The following BMF variants were observed in gnomAD, a reference collection of about 807,000 sequenced individuals.
BMF encodes bcl-2-modifying factor.
BMF carries 10 observed loss-of-function variants against 22.0 expected under a neutral mutation model. The ratio of observed to expected loss-of-function variants is 0.45; its 90% CI spans 0.28 to 0.77. BMF has a LOEUF of 0.77. Ranked by LOEUF, BMF falls within the 30% of genes least tolerant of loss-of-function variation. The probability of loss-of-function intolerance (pLI) is 0.13; values close to 1 mark genes in which losing one functional copy is unlikely to be tolerated. For missense variants in BMF, 206 were observed against 226.8 expected, an observed-to-expected ratio of 0.91 and a Z score of 0.59; for synonymous variants, 87 against 88.1, an observed-to-expected ratio of 0.99 and a Z score of 0.07.
intron 4 of BMF, among the ~76,000 whole-genome samples, chr15:40,098,164 A>G (rs1486189147): frequency 2.6e-5 from 4 of 152,224 alleles, no homozygotes; most frequent in Non-Finnish European, 4.4e-5. Flanking sequence ...TCTAAGGAAA[A>G]AAGAGCAGTC....
intron 3 of BMF, among the ~76,000 whole-genome samples, 153 bp downstream of exon 3, chr15:40,105,642 A>T (rs939735287): frequency 1.3e-5 from 2 of 152,212 alleles, no homozygotes; most frequent in Non-Finnish European, 2.9e-5. Context: ...AGGAGCAATA[A>T]CAAGCCGAGA....
Position 40,088,537 on chromosome 15 carries a change from A to G in BMF, c.*3250T>C. On this transcript the variant is annotated 3_prime_UTR_variant, in exon 5 of 5. Coordinates refer to ENST00000354670, the MANE Select transcript of BMF (RefSeq NM_001003940.2). ...TCAAGTCCCTCAAAAAGAAGTGCTC[A>G]CTGGGGTAGCATGCTCCTTGCTGTC... is the stretch of plus-strand genomic sequence containing the variant. 6.6e-6 allele frequency: 1 copy of G among 152,352 alleles called. No homozygotes were observed. Among genetic ancestry groups the G allele is most frequent in the East Asian group, 1.9e-4 (1 of 5,202 alleles). The allele number at this position is 152,352 out of a possible 1,614,324, so 9.4% of individuals were successfully genotyped here.
rs1024043427 is a variant in BMF, at chr15:40,091,659, T to TA, written c.*127dup. 3.6e-5 allele frequency: 26 copies of TA among 712,700 alleles called. No homozygotes were observed. The highest frequency in any genetic ancestry group is 4.2e-5 in the Non-Finnish European group (18 of 426,884). The allele number at this position is 712,700 out of a possible 1,614,324, so 44.1% of individuals were successfully genotyped here. A position where few individuals can be genotyped will look rare whatever the true frequency, so the allele number is the denominator to read the frequency against. ...GTTGTATGTACACTCAGAGAGAAAT[T>TA]AAAAAAAATTAAAACACAAAATAAC... On this transcript the variant is annotated 3_prime_UTR_variant, in exon 5 of 5. Transcript: ENST00000354670.
Position 40,091,711 on chromosome 15 carries a change from A to G in BMF, c.*76T>C. The G allele has an allele frequency of 1.9e-6, 2 of 1,044,938 alleles. No individual in the cohort carries two copies. Among genetic ancestry groups the G allele is most frequent in the South Asian group, 1.5e-5 (1 of 67,834 alleles). 64.7% of individuals were successfully genotyped at this position (1,044,938 alleles called of 1,614,324 possible). ...ACAAAAAAACAATTTCACAAGACAC[A>G]GTGTCAGTCCTGCCCGATGTCCTTC... is the stretch of plus-strand genomic sequence containing the variant. On this transcript the variant is annotated 3_prime_UTR_variant, in exon 5 of 5. Transcript: ENST00000354670.
chr15:40,099,129 C>G (rs1488345480), intron 4 of BMF, among the ~76,000 whole-genome samples: 1 of 152,228 alleles, frequency 6.6e-6, no homozygotes, highest in Admixed American at 6.5e-5. Flanking sequence ...ACCTCTGGGG[C>G]CCCTGCCCGG....
chr15:40,105,234 T>C (rs2036562074), intron 3 of BMF, among the ~76,000 whole-genome samples: 1 of 152,210 alleles, frequency 6.6e-6, no homozygotes, highest in South Asian at 2.1e-4. Flanking sequence ...GGCATATTTC[T>C]CATAAAACAA....
At chr15:40,098,872 A>T (rs1280073090) in intron 4 of BMF, among the ~76,000 whole-genome samples, 4 of 152,116 alleles carry the variant, frequency 2.6e-5, no homozygotes, top group Non-Finnish European at 5.9e-5. Flanking sequence ...TCAGGTGCAG[A>T]GTGTGTGGGG....
In BMF at chr15:40,105,931, G is replaced by A; in HGVS notation, c.156C>T (p.Leu52=). Residue 52 remains leucine, a synonymous_variant, in exon 3 of 5, where the codon CTC becomes CTT. Coordinates refer to ENST00000354670, the MANE Select transcript of BMF (RefSeq NM_001003940.2). ...GAAGGCCAGGGCCACAGCAGTGGGT[G>A]AGAGGGAAGAGCTGAAGTCGGCTGA... ...CPLSRLQLFP[L]THCCGPGLRP... is the part of the protein sequence containing the mutation. The A allele has an allele frequency of 6.2e-7, 1 of 1,614,198 alleles. No individual in the cohort carries two copies. Among genetic ancestry groups the A allele is most frequent in the Non-Finnish European group, 8.5e-7 (1 of 1,180,034 alleles).
intron 3 of BMF, among the ~76,000 whole-genome samples, chr15:40,105,317 G>C (rs551565256): frequency 2.6e-5 from 4 of 152,230 alleles, no homozygotes; most frequent in Admixed American, 2.6e-4. Context: ...ATTGGGCCCA[G>C]GCAGGCCCAA....
Position 40,106,461 on chromosome 15 carries a change from A to T in BMF, c.-5-370T>A. The stretch of plus-strand genomic sequence containing the variant: ...TACCTGGGAAAATATAAACAAGACT[A>T]GCCTCTGTAAGTTGCTGTCAAGGGT... On this transcript the variant is annotated intron_variant, in intron 2 of 4. Coordinates refer to ENST00000354670, the MANE Select transcript of BMF (RefSeq NM_001003940.2). The surrounding 1 kb of genome is among the most constrained non-coding windows in gnomAD (Gnocchi z 4.1). The T allele has an allele frequency of 5.4e-6, 1 of 186,328 alleles. No individual in the cohort carries two copies. The highest frequency in any genetic ancestry group is 1.1e-5 in the Non-Finnish European group (1 of 89,508). The allele number at this position is 186,328 out of a possible 1,614,324, so 11.5% of individuals were successfully genotyped here. A position where few individuals can be genotyped will look rare whatever the true frequency, so the allele number is the denominator to read the frequency against.
Position 40,104,446 on chromosome 15 carries a change from T to C in BMF, c.293-106A>G, listed in dbSNP as rs1308038559. 3.5e-6 allele frequency: 5 copies of C among 1,432,222 alleles called. No homozygotes were observed. In the African/African-American group the frequency reaches 5.6e-5, roughly 16 times the overall value. 88.7% of individuals were successfully genotyped at this position (1,432,222 alleles called of 1,614,324 possible). A position where few individuals can be genotyped will look rare whatever the true frequency, so the allele number is the denominator to read the frequency against. On this transcript the variant is annotated intron_variant, in intron 3 of 4. Transcript: ENST00000354670. ...TGGAGGCTGAGGGTAAATCCTCATA[T>C]GAGAAAGGATAGGAGCCAGCCTGCC... is the stretch of plus-strand genomic sequence containing the variant.
rs535224999 is a variant in BMF at position 40,091,727 on chromosome 15, G to A, written c.*60C>T. ...ACAAGACACAGTGTCAGTCCTGCCC[G>A]ATGTCCTTCCTGTTCCAGACGGTGT... On this transcript the variant is annotated 3_prime_UTR_variant, in exon 5 of 5. Transcript: ENST00000354670. The A allele has an allele frequency of 1.1e-5, 14 of 1,239,780 alleles. No homozygotes were observed. Among genetic ancestry groups the A allele is most frequent in the Admixed American group, 1.1e-4 (5 of 46,636 alleles). 76.8% of individuals were successfully genotyped at this position (1,239,780 alleles called of 1,614,324 possible). A position where few individuals can be genotyped will look rare whatever the true frequency, so the allele number is the denominator to read the frequency against.
At chr15:40,096,983 G>A (rs1247373570) in intron 4 of BMF, among the ~76,000 whole-genome samples, 2 of 152,232 alleles carry the variant, frequency 1.3e-5, no homozygotes, top group Admixed American at 1.3e-4. Flanking sequence ...TCCACGATGT[G>A]AAGTTTTCCT....
intron 4 of BMF, among the ~76,000 whole-genome samples, chr15:40,096,347 T>A (rs1208652882): frequency 6.6e-6 from 1 of 152,118 alleles, no homozygotes; most frequent in Non-Finnish European, 1.5e-5. Context: ...CTCTGGGGGC[T>A]CTGTGTGTCA....
chr15:40,098,278 G>C (rs901289669), intron 4 of BMF, among the ~76,000 whole-genome samples: 10 of 152,188 alleles, frequency 6.6e-5, no homozygotes, highest in African/African-American at 2.2e-4. Context: ...TTCGGGGACA[G>C]AGCTGTGCTG....
intron 4 of BMF, among the ~76,000 whole-genome samples, chr15:40,099,179 C>G (rs953935745): frequency 3.3e-5 from 5 of 152,210 alleles, no homozygotes; most frequent in African/African-American, 1.2e-4. Context: ...AGTTAGCCAG[C>G]TTAAGTTCCA....
chr15:40,092,785 T>TG (rs899518837), intron 4 of BMF, among the ~76,000 whole-genome samples: 7 of 151,246 alleles, frequency 4.6e-5, no homozygotes, highest in Middle Eastern at 6.8e-3. Context: ...AGGAGAGGCC[T>TG]GGGGGGGTGG....
At chr15:40,094,892 C>CA (rs2036323335) in intron 4 of BMF, among the ~76,000 whole-genome samples, 1 of 152,228 alleles carries the variant, frequency 6.6e-6, no homozygotes, top group South Asian at 2.1e-4. Flanking sequence ...GTGTTTTCTT[C>CA]AGTCCCTTTC....
In BMF at chr15:40,101,150, G is replaced by A. The variant is rs143915114; in HGVS notation, c.453+3030C>T. On this transcript the variant is annotated intron_variant, in intron 4 of 4. Transcript: ENST00000354670. ...ACTAATTCCTCTGGACCAGGCAGGT[G>A]GAGGGAAGTTCAGGGGAGGCAGCTC... Among the ~76,000 whole-genome samples, 881 of 152,346 alleles carry A rather than the reference G, an allele frequency of 5.8e-3. 4 individuals carry two copies. Among genetic ancestry groups the A allele is most frequent in the Non-Finnish European group, 8.8e-3 (600 of 68,034 alleles).
Sources: allele counts gnomAD v4.1 joint callset (sites outside exome capture counted in the v4.1 genomes callset), GRCh38; gene constraint gnomAD v4.1.1; non-coding constraint Gnocchi (gnomAD v3.1); transcripts MANE v1.5; gene names NCBI Gene and HGNC (gene_info 2026-07-23, HGNC 2026-07-21).